SYT6: variants seen among roughly 807,000 people sequenced by gnomAD.
SYT6 encodes synaptotagmin 6, also known as synaptotagmin-6.
A neutral mutation model predicts 38.4 loss-of-function variants in SYT6; 24 were observed. That is an observed-to-expected ratio of 0.62 (90% CI 0.45 to 0.88). The LOEUF (loss-of-function observed/expected upper bound fraction) is 0.88. SYT6 is among the 40% of genes least tolerant of loss of function. SYT6 has a pLI of 0.00. For missense variants in SYT6, 611 were observed against 621.0 expected (o/e 0.98, Z 0.17); for synonymous variants, 265 against 241.9 (o/e 1.10, Z -0.89).
chr1:114,117,918 A>G (rs1377861869), intron 3 of SYT6, among the ~76,000 whole-genome samples: 2 of 152,226 alleles, frequency 1.3e-5, no homozygotes, highest in Non-Finnish European at 2.9e-5. Flanking sequence ...GAGTGTATGC[A>G]CTGAAGACGC....
At chr1:114,129,911 C>T (rs1016588590) in intron 3 of SYT6, among the ~76,000 whole-genome samples, 1 of 151,204 alleles carries the variant, frequency 6.6e-6, no homozygotes, top group African/African-American at 2.4e-5. Flanking sequence ...TCTCAAAATC[C>T]TGGCCTCACA....
chr1:114,112,316 G>A (rs1557741881), intron 3 of SYT6, among the ~76,000 whole-genome samples: 1 of 152,220 alleles, frequency 6.6e-6, no homozygotes, highest in Non-Finnish European at 1.5e-5. Context: ...GGGACCCATT[G>A]AGACTAAAGC....
chr1:114,108,403 G>C (rs1401709503), intron 3 of SYT6, among the ~76,000 whole-genome samples: 1 of 152,206 alleles, frequency 6.6e-6, no homozygotes, highest in Non-Finnish European at 1.5e-5. Flanking sequence ...GCCCATGAAA[G>C]AGCAGTGAAC....
chr1:114,150,798 C>T (rs1405375603), intron 1 of SYT6, among the ~76,000 whole-genome samples: 34 of 152,048 alleles, frequency 2.2e-4, no homozygotes, highest in Admixed American at 2.2e-3. Flanking sequence ...AAAGGGGAAA[C>T]TTGCTTTTAG....
chr1:114,142,544 T>C (rs1158792250), intron 1 of SYT6, among the ~76,000 whole-genome samples: 1 of 152,206 alleles, frequency 6.6e-6, no homozygotes, highest in Non-Finnish European at 1.5e-5. Context: ...ATAACCTTAG[T>C]TGATAAAGCA....
At chr1:114,097,646 G>A (rs919576645) in intron 6 of SYT6, 81 bp downstream of exon 6, 52 of 1,543,368 alleles carry the variant, frequency 3.4e-5, no homozygotes, top group Non-Finnish European at 4.2e-5. Flanking sequence ...AAAGGCCGAG[G>A]GTGTCACTGC....
Position 114,099,244 on chromosome 1 carries a change from A to G in SYT6, c.1214T>C (p.Leu405Ser), listed in dbSNP as rs889443495. ...CTTCAGCCTCCGCCCATCACAGAGCAAGGACACTTTCACATAGGGATCTGT... is the reference window on the plus strand; with the variant it reads ...CTTCAGCCTCCGCCCATCACAGAGCGAGGACACTTTCACATAGGGATCTGT... ...GYSDPYVKVS[L>S]LCDGRRLKKK... Residue 405 changes from leucine (L) to serine (S), a missense_variant, in exon 5 of 8, where the codon TTG (leucine) becomes TCG (serine). By Grantham distance (145) the Leu-to-Ser change is moderately radical. Coordinates refer to ENST00000610222, the MANE Select transcript of SYT6 (RefSeq NM_001253772.2). 2 of 1,613,358 alleles carry G rather than the reference A, an allele frequency of 1.2e-6. No homozygotes were observed. Among genetic ancestry groups the G allele is most frequent in the Non-Finnish European group, 1.7e-6 (2 of 1,179,618 alleles).
chr1:114,146,498 A>G (rs1192294476), intron 1 of SYT6, among the ~76,000 whole-genome samples: 1 of 152,088 alleles, frequency 6.6e-6, no homozygotes, highest in East Asian at 1.9e-4. Flanking sequence ...TCCCATTCAC[A>G]TCTTGTTTGA....
chr1:114,103,694 A>G lies in SYT6; in HGVS notation c.1099T>C (p.Phe367Leu). The change falls in exon 4 of 8, where the codon TTC (phenylalanine) becomes CTC (leucine). Residue 367 changes from phenylalanine (F) to leucine (L), a missense_variant. Phe to Leu is a conservative substitution (Grantham distance 22). Transcript: ENST00000610222. Reference sequence around the variant, plus strand: ...GCAGTGGGCAGGTAGCAAAGGGAGAACATGATCTCTCCCAAGTCCACGCTT... The same window carrying G: ...GCAGTGGGCAGGTAGCAAAGGGAGAGCATGATCTCTCCCAAGTCCACGCTT... ...SESVDLGEIM[F>L]SLCYLPTAGR... 6.2e-7 allele frequency: 1 copy of G among 1,614,068 alleles called. No homozygotes were observed. Among genetic ancestry groups the G allele is most frequent in the Non-Finnish European group, 8.5e-7 (1 of 1,180,004 alleles).
chr1:114,095,097 G>C (rs1307519176), intron 6 of SYT6, among the ~76,000 whole-genome samples: 1 of 152,216 alleles, frequency 6.6e-6, no homozygotes, highest in African/African-American at 2.4e-5. Flanking sequence ...GATCAGCTGA[G>C]CAGAAAATGG....
At chr1:114,098,452 A>G (rs1675777974) in intron 5 of SYT6, among the ~76,000 whole-genome samples, 1 of 152,212 alleles carries the variant, frequency 6.6e-6, no homozygotes, top group Admixed American at 6.5e-5. Context: ...TAGTTGAAAA[A>G]TGTTTTTGAG....
Position 114,136,747 on chromosome 1 carries a change from T to C in SYT6, c.1071+748A>G, listed in dbSNP as rs541736316. Among the ~76,000 whole-genome samples the C allele has an allele frequency of 8.5e-5, 13 of 152,312 alleles. No homozygotes were observed. In the South Asian group the frequency reaches 2.7e-3, roughly 32 times the overall value. ...GCCTCCCCCATCTCCCATACCTGAC[T>C]GGGAAAACAATGCCCAAGCAAAGGG... On this transcript the variant is annotated intron_variant, in intron 3 of 7. Transcript: ENST00000610222.
chr1:114,106,479 A>T (rs1336649956), intron 3 of SYT6, among the ~76,000 whole-genome samples: 2 of 152,180 alleles, frequency 1.3e-5, no homozygotes, highest in South Asian at 4.2e-4. Flanking sequence ...GCCACTGCTC[A>T]AACCCCTTCA....
At chr1:114,129,115 C>T (rs566610766) in intron 3 of SYT6, among the ~76,000 whole-genome samples, 1 of 152,316 alleles carries the variant, frequency 6.6e-6, no homozygotes, top group South Asian at 2.1e-4. Flanking sequence ...ACTCAGCATC[C>T]CAAGTTGCTC....
At chr1:114,105,308 T>TC (rs35412337) in intron 3 of SYT6, among the ~76,000 whole-genome samples, 49,453 of 143,508 alleles carry the variant, frequency 0.34, 9,274 homozygotes, top group East Asian at 0.77. Context: ...ACAGCCCTGT[T>TC]CCCCCCCTGG....
intron 3 of SYT6, 143 bp downstream of exon 3, chr1:114,137,352 C>T (rs1678540711): frequency 2.1e-6 from 2 of 930,438 alleles, no homozygotes; most frequent in East Asian, 2.6e-5. Context: ...GTAGACTGGG[C>T]CACTGGGCAG....
intron 6 of SYT6, among the ~76,000 whole-genome samples, chr1:114,096,020 C>T (rs1224428730): frequency 6.6e-6 from 1 of 152,110 alleles, no homozygotes; most frequent in Non-Finnish European, 1.5e-5. Flanking sequence ...TCATTCCATG[C>T]CCTCCCCCTA....
At chr1:114,147,544 C>A (rs1478546315) in intron 1 of SYT6, among the ~76,000 whole-genome samples, 1 of 152,224 alleles carries the variant, frequency 6.6e-6, no homozygotes, top group Non-Finnish European at 1.5e-5. Flanking sequence ...TGGGATCACA[C>A]CCCAGTGACA....
intron 1 of SYT6, among the ~76,000 whole-genome samples, chr1:114,140,280 G>A (rs938758781): frequency 1.3e-5 from 2 of 150,576 alleles, no homozygotes; most frequent in South Asian, 2.1e-4. Context: ...CTATTGGCAC[G>A]TGCACAGGGA....
Sources: gnomAD v4.1 joint callset for allele counts (sites outside exome capture counted in the v4.1 genomes callset) on GRCh38, gnomAD v4.1.1 for gene constraint, MANE v1.5 for transcripts, NCBI Gene and HGNC (gene_info 2026-07-23, HGNC 2026-07-21) for gene names.